ELP4: variants seen among roughly 807,000 people sequenced by gnomAD.
ELP4 encodes elongator acetyltransferase complex subunit 4.
A neutral mutation model predicts 48.9 loss-of-function variants in ELP4; 51 were observed. The observed-to-expected ratio is 1.04, with a 90% CI of 0.83 to 1.32. ELP4 has a LOEUF of 1.32. ELP4 is among the 40% of genes most tolerant of loss of function. The pLI is 0.00. For missense variants in ELP4, 519 were observed against 514.6 expected, an observed-to-expected ratio of 1.01 and a Z score of -0.08; for synonymous variants, 210 against 189.2, an observed-to-expected ratio of 1.11 and a Z score of -0.90.
At chr11:31,682,797 T>G (rs553985380) in intron 9 of ELP4, among the ~76,000 whole-genome samples, 3 of 152,196 alleles carry the variant, frequency 2.0e-5, no homozygotes, top group African/African-American at 7.2e-5. Context: ...AATGAGGCAG[T>G]TGTTCAGGGA....
intron 9 of ELP4, among the ~76,000 whole-genome samples, chr11:31,686,834 A>C (rs949981556): frequency 1.3e-5 from 2 of 149,672 alleles, no homozygotes; most frequent in Admixed American, 6.8e-5. Context: ...ATGCCAGTGC[A>C]CTCCTGCCTG....
intron 5 of ELP4, among the ~76,000 whole-genome samples, chr11:31,623,661 G>A (rs1375500376): frequency 6.7e-6 from 1 of 150,076 alleles, no homozygotes; most frequent in Admixed American, 6.7e-5. Flanking sequence ...TTTTATGTCA[G>A]GGTTAAATAA....
intron 9 of ELP4, among the ~76,000 whole-genome samples, chr11:31,751,091 A>C (rs1228864181): frequency 6.6e-6 from 1 of 152,220 alleles, no homozygotes; most frequent in African/African-American, 2.4e-5. Flanking sequence ...TGAGAGGATT[A>C]AGTCCTAGAG....
chr11:31,584,534 G>T (rs1049490416), intron 3 of ELP4, among the ~76,000 whole-genome samples: 10 of 151,988 alleles, frequency 6.6e-5, no homozygotes, highest in African/African-American at 2.4e-4. Flanking sequence ...TGTTGTTGTT[G>T]TTGTTTTGTT....
intron 6 of ELP4, among the ~76,000 whole-genome samples, chr11:31,630,079 G>A (rs1314566820): frequency 6.6e-6 from 1 of 151,018 alleles, no homozygotes; most frequent in African/African-American, 2.5e-5. Flanking sequence ...GGACCATTGA[G>A]GATGATAACA....
At chr11:31,702,493 T>C (rs1486483584) in intron 9 of ELP4, among the ~76,000 whole-genome samples, 1 of 152,096 alleles carries the variant, frequency 6.6e-6, no homozygotes, top group Non-Finnish European at 1.5e-5. Flanking sequence ...AACTTTTAAA[T>C]GTACAGTTCA....
chr11:31,746,897 T>A (rs944205546), intron 9 of ELP4, among the ~76,000 whole-genome samples: 21 of 149,868 alleles, frequency 1.4e-4, no homozygotes, highest in African/African-American at 5.0e-4. Context: ...ATAATAATAA[T>A]AATTTTTTTA....
chr11:31,583,976 A>C (rs538942393), intron 3 of ELP4, among the ~76,000 whole-genome samples: 62 of 152,234 alleles, frequency 4.1e-4, no homozygotes, highest in Non-Finnish European at 7.6e-4. Context: ...TAGAAGCTAG[A>C]ATGTTGAACA....
intron 3 of ELP4, among the ~76,000 whole-genome samples, chr11:31,565,548 G>A (rs1196934172): frequency 2.1e-5 from 3 of 146,000 alleles, no homozygotes; most frequent in African/African-American, 5.4e-5. Flanking sequence ...ATTAATTTTT[G>A]TATAAGGTGT....
At chr11:31,765,020 C>G (rs1311795397) in intron 9 of ELP4, among the ~76,000 whole-genome samples, 1 of 152,120 alleles carries the variant, frequency 6.6e-6, no homozygotes, top group Non-Finnish European at 1.5e-5. Flanking sequence ...ATCCCCCTGA[C>G]GACTGCTACT....
In ELP4 at chr11:31,647,847, A is replaced by G. The variant is rs776500513; in HGVS notation, c.1034A>G (p.His345Arg). ...ACTAACCCATTGTATAAGGATTATC[A>G]TGGTAAGTACAACCTTCATAATGAG... ...RETNPLYKDY[H>R]GLIHIRQIPR... The change falls in exon 8 of 10, where the codon CAT becomes CGT. Residue 345 changes from histidine to arginine, a missense_variant and splice_region_variant. Transcript: ENST00000640961. 6.4e-7 allele frequency: 1 copy of G among 1,561,100 alleles called. No homozygotes were observed. Among genetic ancestry groups the G allele is most frequent in the Non-Finnish European group, 8.8e-7 (1 of 1,132,900 alleles).
chr11:31,516,392 G>A (rs745486932), intron 1 of ELP4, among the ~76,000 whole-genome samples: 1 of 152,220 alleles, frequency 6.6e-6, no homozygotes, highest in Non-Finnish European at 1.5e-5. Flanking sequence ...AAGTAGGAAA[G>A]TAAGGAAGTG....
In ELP4 at chr11:31,789,547, GGCAAAGCTT is replaced by G; in HGVS notation, c.*6025_*6033del. On this transcript the variant is annotated 3_prime_UTR_variant, in exon 10 of 10. Coordinates refer to ENST00000640961, the MANE Select transcript of ELP4 (RefSeq NM_019040.5). ...ATCTTGATAAAACTCTTAAATTCGT[GGCAAAGCTT>G]GTTGATCATGGTTTTCTTTTTAAAA... 5.0e-6 allele frequency: 3 copies of G among 600,074 alleles called. No individual in the cohort carries two copies. The highest frequency in any genetic ancestry group is 8.8e-6 in the Non-Finnish European group (3 of 342,144). 37.2% of individuals were successfully genotyped at this position (600,074 alleles called of 1,614,324 possible).
At chr11:31,530,520 A>G (rs1488956046) in intron 2 of ELP4, among the ~76,000 whole-genome samples, 3 of 152,296 alleles carry the variant, frequency 2.0e-5, no homozygotes, top group African/African-American at 7.2e-5. Context: ...AAGGATTTAC[A>G]AATATCCAAC....
In ELP4 at chr11:31,619,149, A is replaced by G. The variant is rs146152800; in HGVS notation, c.654-7961A>G. 2.7e-3 allele frequency among the ~76,000 whole-genome samples: 415 copies of G among 152,104 alleles called. 2 individuals are homozygous for G. Among genetic ancestry groups the G allele is most frequent in the Non-Finnish European group, 4.8e-3 (328 of 67,958 alleles). ...GTTTTATTTTTTCAAGGGAGAGATAACGATATGTTTATATATTATAGGAAA... is the reference window on the plus strand; with the variant it reads ...GTTTTATTTTTTCAAGGGAGAGATAGCGATATGTTTATATATTATAGGAAA... On this transcript the variant is annotated intron_variant, in intron 5 of 9. Transcript: ENST00000640961.
chr11:31,643,810 C>G (rs1410957534), intron 7 of ELP4, among the ~76,000 whole-genome samples: 1 of 151,324 alleles, frequency 6.6e-6, no homozygotes, highest in Non-Finnish European at 1.5e-5. Flanking sequence ...AGAGAACAGT[C>G]AAAACAAATA....
intron 5 of ELP4, among the ~76,000 whole-genome samples, chr11:31,607,938 T>TC (rs1225693192): frequency 6.6e-6 from 1 of 152,078 alleles, no homozygotes. Flanking sequence ...TGTGGAGACC[T>TC]CCTTTTTTTT....
intron 9 of ELP4, among the ~76,000 whole-genome samples, chr11:31,717,679 A>G (rs1344881007): frequency 7.9e-5 from 12 of 151,794 alleles, no homozygotes; most frequent in Non-Finnish European, 1.2e-4. Flanking sequence ...GCTTGAACCC[A>G]GGAGGCGGTG....
intron 9 of ELP4, among the ~76,000 whole-genome samples, chr11:31,736,357 T>C (rs1947316642): frequency 6.6e-6 from 1 of 152,046 alleles, no homozygotes; most frequent in African/African-American, 2.4e-5. Flanking sequence ...ATGGTAGACC[T>C]AAAACCATAA....
Sources: allele counts gnomAD v4.1 joint callset (sites outside exome capture counted in the v4.1 genomes callset), GRCh38; gene constraint gnomAD v4.1.1; transcripts MANE v1.5; gene names NCBI Gene and HGNC (gene_info 2026-07-23, HGNC 2026-07-21).